The following MTA3 variants were observed in gnomAD, a reference collection of about 807,000 sequenced individuals.
The protein encoded by MTA3 is metastasis-associated protein MTA3.
MTA3 carries 34 observed loss-of-function variants against 83.5 expected under a neutral mutation model. That is an observed-to-expected ratio of 0.41 (90% CI 0.31 to 0.54). The LOEUF (loss-of-function observed/expected upper bound fraction) is 0.54, where lower values mean the gene tolerates loss of function less well. Among genes scored for constraint, MTA3 ranks in the 20% least tolerant of loss-of-function variants. The pLI, the probability that MTA3 is intolerant of heterozygous loss-of-function variation, is 0.33. For missense variants in MTA3, 761 were observed against 726.4 expected (o/e 1.05, Z -0.55); for synonymous variants, 303 against 252.7 (o/e 1.20, Z -1.89).
intron 14 of MTA3, among the ~76,000 whole-genome samples, chr2:42,718,042 G>A (rs1309411682): frequency 6.6e-6 from 1 of 150,498 alleles, no homozygotes; most frequent in Non-Finnish European, 1.5e-5. Flanking sequence ...ATGTGTATTA[G>A]CTATACCCAT....
intron 5 of MTA3, among the ~76,000 whole-genome samples, chr2:42,643,811 A>C (rs1261532555): frequency 6.6e-6 from 1 of 152,126 alleles, no homozygotes; most frequent in Non-Finnish European, 1.5e-5. Context: ...CTTACCTTGG[A>C]GTTATGGTTT....
At chr2:42,641,107 A>G (rs537366699) in intron 5 of MTA3, among the ~76,000 whole-genome samples, 202 of 151,132 alleles carry the variant, frequency 1.3e-3, no homozygotes, top group Non-Finnish European at 2.3e-3. Context: ...GGGTTTTGCC[A>G]TGTTTGCTAG....
At chr2:42,651,958 T>C (rs2104345658) in intron 6 of MTA3, among the ~76,000 whole-genome samples, 1 of 152,072 alleles carries the variant, frequency 6.6e-6, no homozygotes, top group African/African-American at 2.4e-5. Context: ...TAGCTGGTCA[T>C]GGTGGTGGGC....
At chr2:42,599,968 G>A (rs1267727903) in intron 3 of MTA3, among the ~76,000 whole-genome samples, 2 of 152,004 alleles carry the variant, frequency 1.3e-5, no homozygotes, top group African/African-American at 4.8e-5. Context: ...AGGCCGAGGC[G>A]GGCGGATCAC....
chr2:42,655,685 C>T (rs375109125), intron 6 of MTA3, among the ~76,000 whole-genome samples: 1 of 152,198 alleles, frequency 6.6e-6, no homozygotes, highest in African/African-American at 2.4e-5. Flanking sequence ...TCACTGCAAC[C>T]TCTACCTTCC....
rs376398648 is a variant in MTA3, at chr2:42,704,250, A to G, written c.1082A>G (p.Asn361Ser). ...AGTAATGGGAAGCCTGGTGCTGTGAATGGAGCTGTGGGGACCACGTTCCAG... is the reference window on the plus strand; with the variant it reads ...AGTAATGGGAAGCCTGGTGCTGTGAGTGGAGCTGTGGGGACCACGTTCCAG... ...STSNGKPGAV[N>S]GAVGTTFQPQ... Residue 361 changes from asparagine to serine, a missense_variant, in exon 12 of 17, where the codon AAT becomes AGT. By Grantham distance (46) the Asn-to-Ser change is conservative. Coordinates refer to ENST00000405094, the MANE Select transcript of MTA3 (RefSeq NM_001330442.2). 13 of 1,614,018 alleles carry G rather than the reference A, an allele frequency of 8.1e-6. No homozygotes were observed. Among genetic ancestry groups the G allele is most frequent in the Non-Finnish European group, 1.1e-5 (13 of 1,179,880 alleles).
At chr2:42,518,804 A>G (rs547560758) in intron 2 of MTA3, among the ~76,000 whole-genome samples, 9 of 152,126 alleles carry the variant, frequency 5.9e-5, no homozygotes, top group Admixed American at 3.3e-4. Context: ...CATCCCTACA[A>G]ATAATTTAAA....
chr2:42,727,779 T>C (rs1667934139), intron 16 of MTA3, among the ~76,000 whole-genome samples: 1 of 152,198 alleles, frequency 6.6e-6, no homozygotes, highest in Non-Finnish European at 1.5e-5. Flanking sequence ...GATCTTACGA[T>C]TGAAAATTTT....
At chr2:42,627,613 G>C (rs1317881853) in intron 4 of MTA3, among the ~76,000 whole-genome samples, 2 of 151,590 alleles carry the variant, frequency 1.3e-5, no homozygotes, top group South Asian at 2.1e-4. Flanking sequence ...TCTCAGGTTG[G>C]AGTGCAGTGG....
chr2:42,719,201 A>G, intron 15 of MTA3, 127 bp downstream of exon 15: 1 of 637,834 alleles, frequency 1.6e-6, no homozygotes, highest in Non-Finnish European at 2.7e-6. Flanking sequence ...GGATACCTTT[A>G]TATAGTCAGT....
chr2:42,533,960 G>A (rs919743868), intron 2 of MTA3, among the ~76,000 whole-genome samples: 3 of 151,772 alleles, frequency 2.0e-5, no homozygotes, highest in Non-Finnish European at 2.9e-5. Context: ...GTTGCATCTC[G>A]TTCACATTAT....
At chr2:42,637,538 A>G (rs1353250684) in intron 4 of MTA3, among the ~76,000 whole-genome samples, 1 of 152,186 alleles carries the variant, frequency 6.6e-6, no homozygotes, top group Non-Finnish European at 1.5e-5. Context: ...AACCACTTTT[A>G]TCAACAACTC....
At chr2:42,587,854 G>A (rs1381100201) in intron 3 of MTA3, among the ~76,000 whole-genome samples, 3 of 152,092 alleles carry the variant, frequency 2.0e-5, no homozygotes, top group Non-Finnish European at 4.4e-5. Flanking sequence ...TGCCCACCTT[G>A]GCCTCCTAAG....
intron 2 of MTA3, among the ~76,000 whole-genome samples, chr2:42,499,132 A>C (rs1674279723): frequency 6.6e-6 from 1 of 152,002 alleles, no homozygotes; most frequent in Non-Finnish European, 1.5e-5. Context: ...ATTCAATAGT[A>C]CTATAATGCA....
chr2:42,512,596 C>A (rs1250689253), intron 2 of MTA3, among the ~76,000 whole-genome samples: 1 of 152,068 alleles, frequency 6.6e-6, no homozygotes, highest in Non-Finnish European at 1.5e-5. Context: ...ACTGAAAGGA[C>A]AATTAGAACA....
At chr2:42,549,833 C>G (rs980919243) in intron 2 of MTA3, among the ~76,000 whole-genome samples, 7 of 149,864 alleles carry the variant, frequency 4.7e-5, no homozygotes, top group African/African-American at 1.7e-4. Context: ...CTCCGTCCCA[C>G]TGTAAGATGA....
At chr2:42,719,697 G>A (rs1388383358) in intron 15 of MTA3, among the ~76,000 whole-genome samples, 1 of 152,034 alleles carries the variant, frequency 6.6e-6, no homozygotes, top group Non-Finnish European at 1.5e-5. Flanking sequence ...GTTTTGGTGT[G>A]CTTTAGGTGA....
intron 8 of MTA3, among the ~76,000 whole-genome samples, chr2:42,661,329 G>A (rs1689688800): frequency 6.6e-6 from 1 of 151,628 alleles, no homozygotes; most frequent in African/African-American, 2.4e-5. Context: ...TGAAACCCCT[G>A]TCTCTACAAA....
intron 2 of MTA3, among the ~76,000 whole-genome samples, chr2:42,515,501 AT>A (rs905669095): frequency 6.6e-5 from 10 of 151,412 alleles, no homozygotes; most frequent in African/African-American, 2.2e-4. Context: ...ATTTTATTTT[AT>A]TTTATTTTTT....
Sources: allele counts gnomAD v4.1 joint callset (sites outside exome capture counted in the v4.1 genomes callset), GRCh38; gene constraint gnomAD v4.1.1; transcripts MANE v1.5; gene names NCBI Gene and HGNC (gene_info 2026-07-23, HGNC 2026-07-21).